The following ZXDC variants were observed in gnomAD, a reference collection of about 807,000 sequenced individuals.
ZXDC encodes the protein zinc finger protein ZXDC.
In ZXDC, 58 loss-of-function variants were observed where a neutral mutation model predicts 63.6. The ratio of observed to expected loss-of-function variants is 0.91; its 90% CI spans 0.74 to 1.13. ZXDC has a LOEUF of 1.13. Among genes scored for constraint, ZXDC ranks in the 50% most tolerant of loss-of-function variants. The pLI, the probability that ZXDC is intolerant of heterozygous loss-of-function variation, is 0.00. For missense variants in ZXDC, 1,133 were observed against 1,148.9 expected (o/e 0.99, Z 0.20); for synonymous variants, 561 against 496.1 (o/e 1.13, Z -1.74).
At chr3:126,445,757 G>C (rs1325478760) in intron 7 of ZXDC, among the ~76,000 whole-genome samples, 1 of 152,154 alleles carries the variant, frequency 6.6e-6, no homozygotes, top group Non-Finnish European at 1.5e-5. Context: ...GCAGCCAGGG[G>C]AGGAGGGGCC....
rs763665931 is a variant in ZXDC, at chr3:126,461,485, G to A, written c.2127+50C>T. 2.4e-5 allele frequency: 37 copies of A among 1,549,160 alleles called. No homozygotes were observed. In the East Asian group the frequency reaches 7.7e-4, roughly 32 times the overall value. ...TAATCCAGAATATCCTCAAGACCGA[G>A]TATGAGAGAAGTGACCTATATGGTG... On this transcript the variant is annotated intron_variant, in intron 6 of 9. Coordinates refer to ENST00000389709, the MANE Select transcript of ZXDC (RefSeq NM_025112.5).
At chr3:126,463,132 G>A (rs1012220440) in intron 5 of ZXDC, among the ~76,000 whole-genome samples, 4 of 151,596 alleles carry the variant, frequency 2.6e-5, no homozygotes, top group Admixed American at 1.3e-4. Flanking sequence ...GCAGTGGCGC[G>A]ATCTCGGCTC....
In ZXDC at chr3:126,447,578, C is replaced by T. The variant is rs541045425; in HGVS notation, c.2213-5632G>A. On this transcript the variant is annotated intron_variant, in intron 7 of 9. Transcript: ENST00000389709. ...TTCCATAAAAGTGTCAAATAGATTG[C>T]GCCAATGGTTTGGTTTACCATTCCT... 1.1e-4 allele frequency among the ~76,000 whole-genome samples: 16 copies of T among 152,264 alleles called. No homozygotes were observed. In the South Asian group the frequency reaches 1.2e-3, roughly 12 times the overall value.
intron 7 of ZXDC, among the ~76,000 whole-genome samples, chr3:126,456,050 T>C (rs1445921102): frequency 2.0e-5 from 3 of 151,318 alleles, no homozygotes. Context: ...ATACTGCGAA[T>C]AAGTAAATGA....
At chr3:126,469,500 C>T (rs1198931792) in intron 4 of ZXDC, among the ~76,000 whole-genome samples, 2 of 152,184 alleles carry the variant, frequency 1.3e-5, no homozygotes, top group South Asian at 2.1e-4. Context: ...TATTGATGCC[C>T]CTTTCTCTTT....
chr3:126,454,987 C>A (rs576231419), intron 7 of ZXDC: 1 of 985,306 alleles, frequency 1.0e-6, no homozygotes, highest in Non-Finnish European at 1.2e-6. Flanking sequence ...TAAGAACTGA[C>A]GTGTGCACTG....
intron 6 of ZXDC, chr3:126,461,080 C>T: frequency 1.0e-6 from 1 of 985,536 alleles, no homozygotes; most frequent in Non-Finnish European, 1.2e-6. Context: ...ATAAACCCCA[C>T]CCTTTTTTTT....
intron 6 of ZXDC, 162 bp from the exon 7 acceptor site, chr3:126,459,899 TG>T: frequency 1.0e-6 from 1 of 985,482 alleles, no homozygotes; most frequent in Non-Finnish European, 1.2e-6. Context: ...CATCCACTTG[TG>T]GCGAGGGCCG....
chr3:126,438,505 G>A, intron 9 of ZXDC, 44 bp from the exon 10 acceptor site: 1 of 1,550,808 alleles, frequency 6.4e-7, no homozygotes, highest in Non-Finnish European at 8.9e-7. Flanking sequence ...AGGGAGGGGA[G>A]GCAGAGGGAT....
intron 1 of ZXDC, among the ~76,000 whole-genome samples, chr3:126,474,353 C>A (rs964557501): frequency 6.6e-6 from 1 of 152,186 alleles, no homozygotes; most frequent in Non-Finnish European, 1.5e-5. Context: ...CGTGAGCCAC[C>A]GCGCCCAGCC....
intron 4 of ZXDC, among the ~76,000 whole-genome samples, chr3:126,468,386 G>A (rs1167613017): frequency 6.6e-6 from 1 of 152,086 alleles, no homozygotes; most frequent in African/African-American, 2.4e-5. Context: ...TACCAAAGTG[G>A]AAAAAATGGT....
rs752942521 is a variant in ZXDC, at chr3:126,461,995, T to C, written c.1667A>G (p.Asn556Ser). The C allele has an allele frequency of 5.0e-6, 8 of 1,614,084 alleles. No individual in the cohort carries two copies. Among genetic ancestry groups the C allele is most frequent in the East Asian group, 2.2e-5 (1 of 44,854 alleles). The change falls in exon 6 of 10, where the codon AAT becomes AGT. Residue 556 changes from asparagine (N) to serine (S), a missense_variant. Coordinates refer to ENST00000389709, the MANE Select transcript of ZXDC (RefSeq NM_025112.5). Reference sequence around the variant, plus strand: ...TTCCATCGGCCCTAGGGAGCTATTATTAGCAGGGAGGTTCCCTCCCAGAGA... The same window carrying C: ...TTCCATCGGCCCTAGGGAGCTATTACTAGCAGGGAGGTTCCCTCCCAGAGA... The part of the protein sequence containing the change: ...SSSLGGNLPA[N>S]NSSLGPMEPL...
chr3:126,460,404 T>C (rs1212683264), intron 6 of ZXDC: 1 of 907,378 alleles, frequency 1.1e-6, no homozygotes, highest in Non-Finnish European at 1.3e-6. Flanking sequence ...ACACCATTTG[T>C]ACTCAGAGAA....
At chr3:126,471,719 TG>T (rs1422591098) in intron 3 of ZXDC, among the ~76,000 whole-genome samples, 16 of 151,834 alleles carry the variant, frequency 1.1e-4, no homozygotes, top group Non-Finnish European at 1.9e-4. Flanking sequence ...AACCTGGAAT[TG>T]TTTTTTTTTT....
chr3:126,465,805 G>T (rs1934734718), intron 5 of ZXDC, among the ~76,000 whole-genome samples: 1 of 152,176 alleles, frequency 6.6e-6, no homozygotes. Flanking sequence ...GCAAAAATTA[G>T]CTGGGCATGG....
rs1290973110 is a variant in ZXDC, at chr3:126,449,577, CAGG to C, written c.2213-7634_2213-7632del. 6.6e-5 allele frequency among the ~76,000 whole-genome samples: 10 copies of C among 152,346 alleles called. No homozygotes were observed. The East Asian group carries it at 7.7e-4, about 12-fold the overall frequency. On this transcript the variant is annotated intron_variant, in intron 7 of 9. Coordinates refer to ENST00000389709, the MANE Select transcript of ZXDC (RefSeq NM_025112.5). ...ACGACTGATGCTTTGAATGTCTCAG[CAGG>C]TTGGCTCTACAAATCATCGCTCTGG... is the stretch of plus-strand genomic sequence containing the variant.
intron 4 of ZXDC, among the ~76,000 whole-genome samples, chr3:126,470,161 T>C (rs562191177): frequency 6.6e-6 from 1 of 152,152 alleles, no homozygotes; most frequent in Non-Finnish European, 1.5e-5. Context: ...AAAAAACCAC[T>C]CTACTATACC....
intron 7 of ZXDC, chr3:126,452,379 T>A: frequency 1.0e-6 from 1 of 985,440 alleles, no homozygotes; most frequent in Non-Finnish European, 1.2e-6. Flanking sequence ...CCCACGTCTG[T>A]CAGCCAAGCC....
At chr3:126,453,935 A>G (rs933067671) in intron 7 of ZXDC, 1 of 984,244 alleles carries the variant, frequency 1.0e-6, no homozygotes, top group African/African-American at 1.8e-5. Flanking sequence ...CTAATTTAAC[A>G]TATTATGATC....
Sources: allele counts gnomAD v4.1 joint callset (sites outside exome capture counted in the v4.1 genomes callset), GRCh38; gene constraint gnomAD v4.1.1; transcripts MANE v1.5; gene names NCBI Gene and HGNC (gene_info 2026-07-23, HGNC 2026-07-21).